AGRN: variants seen among roughly 807,000 people sequenced by gnomAD.
AGRN encodes the protein agrin.
Under a neutral mutation model 211.0 loss-of-function variants are expected in AGRN, and 106 were observed. That is an observed-to-expected ratio of 0.50 (90% confidence interval 0.43 to 0.59). The LOEUF is 0.59. AGRN is among the 20% of genes least tolerant of loss of function. AGRN has a pLI of 0.00. For synonymous variants in AGRN, 1,525 were observed against 1,332.5 expected (o/e 1.14, Z -3.15); for missense variants, 3,040 against 2,982.6 (o/e 1.02, Z -0.45).
At chr1:1,039,749 A>G (rs1432556765) in intron 3 of AGRN, among the ~76,000 whole-genome samples, 4 of 152,066 alleles carry the variant, frequency 2.6e-5, no homozygotes, top group Non-Finnish European at 5.9e-5. Context: ...TCCAAGAAGG[A>G]AGTTCGCTTT....
At chr1:1,025,142 C>T (rs2100572348) in intron 2 of AGRN, among the ~76,000 whole-genome samples, 1 of 152,312 alleles carries the variant, frequency 6.6e-6, no homozygotes, top group East Asian at 1.9e-4. Flanking sequence ...GAGCCAGGAG[C>T]AGAGAAAGGG....
chr1:1,035,248 G>A (rs372229871), intron 2 of AGRN, 29 bp from the exon 3 acceptor site: 5 of 1,612,536 alleles, frequency 3.1e-6, no homozygotes, highest in Non-Finnish European at 4.2e-6. Flanking sequence ...GCTCAGAGGA[G>A]CCTAACTTGG....
rs772632690 is a variant in AGRN, at chr1:1,047,616, G to A, written c.3560G>A (p.Arg1187Gln). 48 of 1,612,912 alleles carry A rather than the reference G, an allele frequency of 3.0e-5. No individual in the cohort carries two copies. The highest frequency in any genetic ancestry group is 4.0e-5 in the African/African-American group (3 of 74,934). Residue 1187 changes from arginine to glutamine, a missense_variant, in exon 21 of 36, where the codon CGG (arginine) becomes CAG (glutamine). Arg to Gln is a conservative substitution (Grantham distance 43). Transcript: ENST00000379370. ...AATTCAGACGTCAAGAAGGATTTTC[G>A]GAGTGTCCGCTTGCGGGACCTGGGG... ...FRNSDVKKDF[R>Q]SVRLRDLGPG...
At chr1:1,038,753 G>C (rs1483338563) in intron 3 of AGRN, among the ~76,000 whole-genome samples, 1 of 152,254 alleles carries the variant, frequency 6.6e-6, no homozygotes, top group East Asian at 1.9e-4. Flanking sequence ...CGAAGCCCAG[G>C]AGAACAGCTG....
chr1:1,048,561 G>C lies in AGRN; in HGVS notation c.4105+196G>C. 1.7e-6 allele frequency: 1 copy of C among 595,988 alleles called. No homozygotes were observed. Among genetic ancestry groups the C allele is most frequent in the South Asian group, 2.3e-5 (1 of 42,752 alleles). 36.9% of individuals were successfully genotyped at this position (595,988 alleles called of 1,614,324 possible). ...CGAGGCAGGCGGATCACCTGAGGTC[G>C]GGAGTTCGAGACCAGCCTGACCAAC... is the stretch of plus-strand genomic sequence containing the variant. On this transcript the variant is annotated intron_variant, in intron 23 of 35. Coordinates refer to ENST00000379370, the MANE Select transcript of AGRN (RefSeq NM_198576.4). This position sits in a 1 kb window ranked among gnomAD's most constrained non-coding sequence, Gnocchi z 5.9.
chr1:1,044,799 C>G (rs759687775), intron 12 of AGRN, among the ~76,000 whole-genome samples: 3 of 152,182 alleles, frequency 2.0e-5, no homozygotes, highest in African/African-American at 7.2e-5. Flanking sequence ...AGATGTGTGT[C>G]TGCAGAGGGG....
chr1:1,025,575 C>T (rs1216090466), intron 2 of AGRN, among the ~76,000 whole-genome samples: 2 of 152,124 alleles, frequency 1.3e-5, no homozygotes, highest in Non-Finnish European at 2.9e-5. Context: ...TCCTGCCACC[C>T]TCTCCTGCCC....
Position 1,043,270 on chromosome 1 carries a change from G to T in AGRN, c.1416G>T (p.Gln472His). 6.2e-7 allele frequency: 1 copy of T among 1,611,194 alleles called. No homozygotes were observed. The highest frequency in any genetic ancestry group is 8.5e-7 in the Non-Finnish European group (1 of 1,179,332). Residue 472 changes from glutamine to histidine, a missense_variant, in exon 8 of 36, where the codon CAG becomes CAT. Gln to His is a conservative substitution (Grantham distance 24). Coordinates refer to ENST00000379370, the MANE Select transcript of AGRN (RefSeq NM_198576.4). Reference protein sequence around the residue: ...DQAPSPCLGVQCAFGATCAVK... With the variant: ...DQAPSPCLGVHCAFGATCAVK... Reference sequence around the variant, plus strand: ...CCCCGTCCCCATGCCTCGGGGTGCAGTGTGCATTTGGGGCGACGTGTGCTG... The same window carrying T: ...CCCCGTCCCCATGCCTCGGGGTGCATTGTGCATTTGGGGCGACGTGTGCTG...
intron 2 of AGRN, 48 bp from the exon 3 acceptor site, chr1:1,035,229 G>C: frequency 5.0e-6 from 8 of 1,606,666 alleles, no homozygotes; most frequent in Non-Finnish European, 6.8e-6. Flanking sequence ...ATGGGACAGG[G>C]AGGAGCCTGC....
chr1:1,043,479 T>A, intron 8 of AGRN, 22 bp downstream of exon 8: 1 of 1,598,346 alleles, frequency 6.3e-7, no homozygotes, highest in Non-Finnish European at 8.5e-7. Flanking sequence ...GTGAGGGGTC[T>A]GGTGGGGGTC....
chr1:1,042,890 C>T (rs1423143321), intron 7 of AGRN, among the ~76,000 whole-genome samples: 2 of 152,058 alleles, frequency 1.3e-5, no homozygotes, highest in Non-Finnish European at 2.9e-5. Context: ...ACAGAGAGCC[C>T]CCCCACATGC....
At position 1,050,962 on chromosome 1, in the gene AGRN, G is replaced by T. The variant is rs977362089; in HGVS notation, c.5253+125G>T. On this transcript the variant is annotated intron_variant, in intron 30 of 35. Transcript: ENST00000379370. ...TCCTGTTCTCTTGGCCGCCTGCCCT[G>T]TCCTCTGCCTCCTCTGCCTCCCTGC... is the stretch of plus-strand genomic sequence containing the variant. 12 of 1,549,788 alleles carry T rather than the reference G, an allele frequency of 7.7e-6. No homozygotes were observed. In the Admixed American group the frequency reaches 2.4e-4, roughly 30 times the overall value.
chr1:1,046,867 G>C lies in AGRN; in HGVS notation c.3298G>C (p.Val1100Leu). 6 of 1,587,148 alleles carry C rather than the reference G, an allele frequency of 3.8e-6. No individual in the cohort carries two copies. Among genetic ancestry groups the C allele is most frequent in the Non-Finnish European group, 5.1e-6 (6 of 1,168,662 alleles). The change falls in exon 19 of 36, where the codon GTC becomes CTC. Residue 1100 changes from valine (V) to leucine (L), a missense_variant. By Grantham distance (32) the Val-to-Leu change is conservative. Transcript: ENST00000379370. The stretch of plus-strand genomic sequence containing the variant: ...CAGCGTGGCCACCCCTGGGCCACCT[G>C]TCGAGAGGGCTTCCTGCTACAACTC... ...GSSVATPGPPVERASCYNSAL... is the reference protein window; with the variant it reads ...GSSVATPGPPLERASCYNSAL...
chr1:1,027,704 C>G (rs1476942560), intron 2 of AGRN, among the ~76,000 whole-genome samples: 1 of 152,168 alleles, frequency 6.6e-6, no homozygotes, highest in African/African-American at 2.4e-5. Flanking sequence ...GACCTCGAGA[C>G]TGACACAGAT....
At chr1:1,021,996 G>A (rs551624026) in intron 1 of AGRN, among the ~76,000 whole-genome samples, 2 of 152,364 alleles carry the variant, frequency 1.3e-5, no homozygotes, top group African/African-American at 4.8e-5. Context: ...CACAGGTGAC[G>A]CATCTCTGAG....
At chr1:1,053,358 C>A in intron 33 of AGRN, 1 of 1,087,500 alleles carries the variant, frequency 9.2e-7, no homozygotes, top group Non-Finnish European at 1.2e-6. Context: ...TCACGCATGT[C>A]TTCTGTGGGT....
chr1:1,046,870 G>C lies in AGRN; in HGVS notation c.3301G>C (p.Glu1101Gln), dbSNP rs371389185. The C allele has an allele frequency of 6.3e-7, 1 of 1,587,218 alleles. No homozygotes were observed. Among genetic ancestry groups the C allele is most frequent in the Non-Finnish European group, 8.6e-7 (1 of 1,168,578 alleles). The change falls in exon 19 of 36, where the codon GAG (glutamate) becomes CAG (glutamine). Residue 1101 changes from glutamate to glutamine, a missense_variant. By Grantham distance (29) the Glu-to-Gln change is conservative. This residue lies in a region of AGRN where 1,537 missense variants were observed against 1,505.0 expected (regional missense o/e 1.02). Transcript: ENST00000379370. ...CGTGGCCACCCCTGGGCCACCTGTC[G>C]AGAGGGCTTCCTGCTACAACTCCGC... The part of the protein sequence containing the change: ...SSVATPGPPV[E>Q]RASCYNSALG...
chr1:1,044,645 A>C (rs1386160019), intron 12 of AGRN, among the ~76,000 whole-genome samples: 1 of 152,102 alleles, frequency 6.6e-6, no homozygotes, highest in Non-Finnish European at 1.5e-5. Context: ...GTGGGCGTGC[A>C]CCAGGCCAGG....
chr1:1,041,931 T>G, intron 6 of AGRN, 25 bp from the exon 7 acceptor site: 1 of 1,609,838 alleles, frequency 6.2e-7, no homozygotes, highest in Non-Finnish European at 8.5e-7. Flanking sequence ...AGCCTCTCCG[T>G]GACTCCCTCA....
Sources: gnomAD v4.1 joint callset for allele counts (sites outside exome capture counted in the v4.1 genomes callset) on GRCh38, gnomAD v4.1.1 for gene constraint, gnomAD v4.1.1 regional missense constraint, Gnocchi (gnomAD v3.1) non-coding constraint, MANE v1.5 for transcripts, NCBI Gene and HGNC (gene_info 2026-07-23, HGNC 2026-07-21) for gene names.